The following PTPDC1 variants were observed in gnomAD, a reference collection of about 807,000 sequenced individuals.
PTPDC1 encodes the protein protein tyrosine phosphatase domain containing 1.
Under a neutral mutation model 75.3 loss-of-function variants are expected in PTPDC1, and 53 were observed. That is an observed-to-expected ratio of 0.70 (90% CI 0.56 to 0.88). The LOEUF is 0.88. Ranked by LOEUF, PTPDC1 falls within the 40% of genes least tolerant of loss-of-function variation. The probability of loss-of-function intolerance (pLI) is 0.00; values close to 1 mark genes in which losing one functional copy is unlikely to be tolerated. For synonymous variants in PTPDC1, 349 were observed against 366.2 expected (o/e 0.95, Z 0.54); for missense variants, 925 against 998.6 (o/e 0.93, Z 0.99).
intron 1 of PTPDC1, among the ~76,000 whole-genome samples, chr9:94,064,297 T>G (rs961621460): frequency 6.6e-6 from 1 of 152,204 alleles, no homozygotes; most frequent in African/African-American, 2.4e-5. Flanking sequence ...TTCTACCCCT[T>G]TAAAATAGGG....
chr9:94,098,113 G>T lies in PTPDC1; in HGVS notation c.1547G>T (p.Gly516Val). 1 of 1,614,162 alleles carries T rather than the reference G, an allele frequency of 6.2e-7. No homozygotes were observed. The highest frequency in any genetic ancestry group is 8.5e-7 in the Non-Finnish European group (1 of 1,180,032). ...TLSFWSQSKF[G>V]GLEGLKDNGS... ...TCTTTCTGGAGTCAGTCAAAGTTTG[G>T]AGGCCTGGAAGGACTCAAAGATAAT... The change falls in exon 6 of 9, where the codon GGA becomes GTA. Residue 516 changes from glycine to valine, a missense_variant. Transcript: ENST00000620992.
At chr9:94,062,666 C>A (rs1487979954) in intron 1 of PTPDC1, among the ~76,000 whole-genome samples, 1 of 152,126 alleles carries the variant, frequency 6.6e-6, no homozygotes, top group Non-Finnish European at 1.5e-5. Flanking sequence ...AACCAGATAT[C>A]ATGAGAACTC....
intron 8 of PTPDC1, among the ~76,000 whole-genome samples, chr9:94,105,628 A>T (rs1827988527): frequency 6.9e-6 from 1 of 144,376 alleles, no homozygotes; most frequent in Non-Finnish European, 1.5e-5. Flanking sequence ...AAATCGCGCC[A>T]CTGCACTCCG....
At chr9:94,083,232 G>C (rs1049162098), upstream of PTPDC1, among the ~76,000 whole-genome samples, 1 of 152,198 alleles carries the variant, frequency 6.6e-6, no homozygotes. Context: ...TTAGGGTCCT[G>C]AGGGCCTTGC....
chr9:94,094,209 G>T (rs1446923908), intron 4 of PTPDC1, among the ~76,000 whole-genome samples: 1 of 152,088 alleles, frequency 6.6e-6, no homozygotes, highest in South Asian at 2.1e-4. Context: ...CATCTTTGTG[G>T]TTTTATCTAC....
At chr9:94,049,169 C>T in intron 1 of PTPDC1, among the ~76,000 whole-genome samples, 1 of 152,142 alleles carries the variant, frequency 6.6e-6, no homozygotes, top group Non-Finnish European at 1.5e-5. Context: ...ATTTGCCAGT[C>T]TGTGTCTTTT....
intron 1 of PTPDC1, among the ~76,000 whole-genome samples, chr9:94,056,736 G>T (rs530242222): frequency 6.6e-6 from 1 of 152,318 alleles, no homozygotes; most frequent in East Asian, 1.9e-4. Context: ...TGTGTGAAAT[G>T]ACTTTTATGA....
chr9:94,085,068 T>A (rs1827022484), intron 1 of PTPDC1, among the ~76,000 whole-genome samples, 183 bp from the exon 2 acceptor site: 1 of 152,236 alleles, frequency 6.6e-6, no homozygotes, highest in African/African-American at 2.4e-5. Context: ...ATGTGAAAGC[T>A]TTTTTACATT....
intron 1 of PTPDC1, among the ~76,000 whole-genome samples, chr9:94,033,110 C>CTCAGCCT (rs1195095626): frequency 1.3e-5 from 2 of 152,142 alleles, no homozygotes; most frequent in Non-Finnish European, 2.9e-5. Context: ...AATCTCCCGC[C>CTCAGCCT]TCAGCCTCCC....
chr9:94,067,118 G>A (rs1013527153), intron 2 of PTPDC1, among the ~76,000 whole-genome samples: 9 of 152,008 alleles, frequency 5.9e-5, no homozygotes, highest in African/African-American at 7.3e-5. Flanking sequence ...GGCTGGGCGC[G>A]GTAGCTCACG....
chr9:94,105,695 A>T (rs560884657), intron 8 of PTPDC1, among the ~76,000 whole-genome samples: 1 of 141,294 alleles, frequency 7.1e-6, no homozygotes, highest in African/African-American at 2.7e-5. Flanking sequence ...GTGGCCAGGC[A>T]TGGTGGCTCA....
At chr9:94,097,156 TC>T (rs1827604384) in intron 5 of PTPDC1, among the ~76,000 whole-genome samples, 164 bp from the exon 6 acceptor site, 1 of 152,160 alleles carries the variant, frequency 6.6e-6, no homozygotes, top group African/African-American at 2.4e-5. Flanking sequence ...AAATAACACC[TC>T]TACAAAAAGT....
chr9:94,085,040 A>T (rs1368871283), intron 1 of PTPDC1, among the ~76,000 whole-genome samples: 2 of 152,192 alleles, frequency 1.3e-5, no homozygotes, highest in Admixed American at 6.5e-5. Flanking sequence ...AATTGCCAGT[A>T]TGTGTGGAGA....
upstream of PTPDC1, among the ~76,000 whole-genome samples, chr9:94,083,145 G>C (rs1375195230): frequency 2.6e-5 from 4 of 152,150 alleles, no homozygotes; most frequent in South Asian, 2.1e-4. Flanking sequence ...CTTAGTTTGA[G>C]CATTTAGGGC....
At position 94,073,696 on chromosome 9, in the gene PTPDC1, A is replaced by T. The variant is rs377599310; in HGVS notation, c.82+8875A>T. Reference sequence around the variant, plus strand: ...TTGAAATCTGTATTACTAATTTGAGATCTTTCCTCTCCTCTAACATAAGCA... The same window carrying T: ...TTGAAATCTGTATTACTAATTTGAGTTCTTTCCTCTCCTCTAACATAAGCA... On this transcript the variant is annotated intron_variant, in intron 2 of 9. Coordinates refer to the PTPDC1 transcript ENST00000375360. Among the ~76,000 whole-genome samples the T allele has an allele frequency of 6.6e-5, 10 of 152,170 alleles. No individual in the cohort carries two copies. In the East Asian group the frequency reaches 1.2e-3, roughly 18 times the overall value.
intron 1 of PTPDC1, among the ~76,000 whole-genome samples, chr9:94,063,950 A>G (rs764956487): frequency 5.9e-5 from 9 of 152,214 alleles, no homozygotes; most frequent in Admixed American, 2.6e-4. Context: ...CATTATTTAG[A>G]AAAAACGTTT....
rs528755735 is a variant in PTPDC1 at position 94,093,525 on chromosome 9, C to T, written c.617-1792C>T. Among the ~76,000 whole-genome samples, 16 of 150,914 alleles carry T rather than the reference C, an allele frequency of 1.1e-4. No individual in the cohort carries two copies. In the East Asian group the frequency reaches 3.1e-3, roughly 29 times the overall value. On this transcript the variant is annotated intron_variant, in intron 4 of 8. Transcript: ENST00000620992. ...CTCTGGCTGCCCTTAACATTTTTTC[C>T]TTCATTTCAACTTTGGTGAATCTGA...
intron 1 of PTPDC1, among the ~76,000 whole-genome samples, chr9:94,047,895 A>G (rs918380859): frequency 2.0e-5 from 3 of 152,210 alleles, no homozygotes; most frequent in Non-Finnish European, 2.9e-5. Context: ...GAATAGACCA[A>G]TTACAGGCTC....
intron 5 of PTPDC1, among the ~76,000 whole-genome samples, chr9:94,096,204 G>T (rs997077811): frequency 5.3e-5 from 8 of 152,296 alleles, no homozygotes; most frequent in Middle Eastern, 6.8e-3. Flanking sequence ...AGCTCTGTCC[G>T]CAGTGTACCT....
Sources: allele counts gnomAD v4.1 joint callset (sites outside exome capture counted in the v4.1 genomes callset), GRCh38; gene constraint gnomAD v4.1.1; transcripts MANE v1.5; gene names NCBI Gene and HGNC (gene_info 2026-07-23, HGNC 2026-07-21).